CASP5: variants seen among roughly 807,000 people sequenced by gnomAD.
The protein encoded by CASP5 is caspase 5, also known as caspase-5.
CASP5 carries 42 observed loss-of-function variants against 45.2 expected under a neutral mutation model. The ratio of observed to expected loss-of-function variants is 0.93; its 90% CI spans 0.73 to 1.20. CASP5 has a LOEUF of 1.20. Among genes scored for constraint, CASP5 ranks in the 50% most tolerant of loss-of-function variants. CASP5 has a pLI of 0.00. For synonymous variants in CASP5, 209 were observed against 186.2 expected, an observed-to-expected ratio of 1.12 and a Z score of -1.00; for missense variants, 512 against 532.2, an observed-to-expected ratio of 0.96 and a Z score of 0.37.
chr11:105,014,403 T>G (rs1862489307), intron 1 of CASP5, among the ~76,000 whole-genome samples: 1 of 152,142 alleles, frequency 6.6e-6, no homozygotes, highest in Admixed American at 6.6e-5. Flanking sequence ...TTTTTTACCT[T>G]TAATTGTGAT....
intron 1 of CASP5, among the ~76,000 whole-genome samples, chr11:105,018,037 T>C (rs1158245528): frequency 1.4e-4 from 22 of 152,030 alleles, no homozygotes; most frequent in Non-Finnish European, 2.8e-4. Flanking sequence ...CAACCCAGAA[T>C]TTCATATCCA....
chr11:105,020,308 G>A (rs1467123183), intron 1 of CASP5, among the ~76,000 whole-genome samples: 1 of 152,026 alleles, frequency 6.6e-6, no homozygotes, highest in Non-Finnish European at 1.5e-5. Context: ...TCTGGCCAGG[G>A]CGATCAGGCA....
chr11:105,003,064 G>A (rs1278396152), intron 4 of CASP5, among the ~76,000 whole-genome samples: 1 of 152,020 alleles, frequency 6.6e-6, no homozygotes, highest in Non-Finnish European at 1.5e-5. Flanking sequence ...GCCTGGCAAG[G>A]TAGTGTGCAT....
chr11:105,020,860 G>T (rs992010566), intron 1 of CASP5, among the ~76,000 whole-genome samples: 1 of 151,868 alleles, frequency 6.6e-6, no homozygotes. Flanking sequence ...CGTCAATCCT[G>T]AGCCAAAAGA....
intron 9 of CASP5, among the ~76,000 whole-genome samples, chr11:104,994,792 G>A (rs1305973556): frequency 6.6e-6 from 1 of 152,168 alleles, no homozygotes; most frequent in Non-Finnish European, 1.5e-5. Context: ...CACCTCTCCT[G>A]CATAAGAACC....
chr11:105,004,378 G>A (rs1861898950), intron 3 of CASP5, among the ~76,000 whole-genome samples: 1 of 152,120 alleles, frequency 6.6e-6, no homozygotes, highest in Admixed American at 6.5e-5. Flanking sequence ...CTTGTGAAAT[G>A]TAATATTGAT....
chr11:105,010,360 TAAC>T (rs2134732208), intron 1 of CASP5, among the ~76,000 whole-genome samples: 1 of 150,158 alleles, frequency 6.7e-6, no homozygotes, highest in Admixed American at 6.7e-5. Context: ...TCATTATTAT[TAAC>T]AATATCAGTA....
chr11:105,006,731 T>TGGTA (rs1372287646), intron 3 of CASP5, among the ~76,000 whole-genome samples: 1 of 152,160 alleles, frequency 6.6e-6, no homozygotes, highest in African/African-American at 2.4e-5. Flanking sequence ...ATTTCACAGG[T>TGGTA]GGTAAGACTG....
At chr11:105,013,202 TGTG>T (rs1862437149) in intron 1 of CASP5, among the ~76,000 whole-genome samples, 3 of 152,176 alleles carry the variant, frequency 2.0e-5, no homozygotes, top group Admixed American at 6.5e-5. Context: ...ATCTCACTGA[TGTG>T]TAGACTCACA....
At position 105,007,253 on chromosome 11, in the gene CASP5, G is replaced by A; in HGVS notation, c.263C>T (p.Ala88Val). 1 of 1,611,712 alleles carries A rather than the reference G, an allele frequency of 6.2e-7. No individual in the cohort carries two copies. The highest frequency in any genetic ancestry group is 8.5e-7 in the Non-Finnish European group (1 of 1,179,328). ...DVLHGVFNYL[A>V]KHDVLTLKEE... Reference sequence around the variant, plus strand: ...CTTCAATGTCAGAACATCGTGTTTTGCCAAATAATTAAAAACACCATGAAG... The same window carrying A: ...CTTCAATGTCAGAACATCGTGTTTTACCAAATAATTAAAAACACCATGAAG... Residue 88 changes from alanine (A) to valine (V), a missense_variant, in exon 3 of 10, where the codon GCA (alanine) becomes GTA (valine). Ala to Val is a moderately conservative substitution (Grantham distance 64). Coordinates refer to ENST00000260315, the MANE Select transcript of CASP5 (RefSeq NM_004347.5).
intron 7 of CASP5, among the ~76,000 whole-genome samples, chr11:104,997,769 T>G (rs1157639614): frequency 1.3e-5 from 2 of 152,180 alleles, no homozygotes; most frequent in Non-Finnish European, 2.9e-5. Flanking sequence ...TCACTTTGCT[T>G]AGAAAAGGGG....
Position 105,007,313 on chromosome 11 carries a change from G to A in CASP5, c.203C>T (p.Thr68Ile). Residue 68 changes from threonine to isoleucine, a missense_variant, in exon 3 of 10, where the codon ACA becomes ATA. By Grantham distance (89) the Thr-to-Ile change is moderately conservative (BLOSUM62 -1). Coordinates refer to ENST00000260315, the MANE Select transcript of CASP5 (RefSeq NM_004347.5). The stretch of plus-strand genomic sequence containing the variant: ...GCCCAGGTATTCCAACATCTTAACT[G>A]TTTTTTTTTTGTGGTTGTCTTCTGT... Reference protein sequence around the residue: ...SVKKDNHKKKTVKMLEYLGKD... With the variant: ...SVKKDNHKKKIVKMLEYLGKD... The A allele has an allele frequency of 7.5e-7, 1 of 1,324,922 alleles. No individual in the cohort carries two copies. The allele number at this position is 1,324,922 out of a possible 1,614,324, so 82.1% of individuals were successfully genotyped here.
intron 1 of CASP5, 89 bp from the exon 2 acceptor site, chr11:105,009,069 C>T (rs1457923716): frequency 3.5e-6 from 4 of 1,127,302 alleles, no homozygotes; most frequent in African/African-American, 1.6e-5. Flanking sequence ...ATGTGAAACA[C>T]CCTTGAAAAT....
Position 104,995,761 on chromosome 11 carries a change from G to A in CASP5, c.1288C>T (p.Leu430Phe). ...ERATLTRDFY[L>F]FPGN ...TTACATTTTCAATTGCCAGGAAAGA[G>A]GTAGAAATCTCTTGTCAAGGTTGCT... Residue 430 changes from leucine (L) to phenylalanine (F), a missense_variant, in exon 9 of 10, where the codon CTC (leucine) becomes TTC (phenylalanine). By Grantham distance (22) the Leu-to-Phe change is conservative (BLOSUM62 0). Transcript: ENST00000260315. 1.9e-6 allele frequency: 3 copies of A among 1,609,122 alleles called. No individual in the cohort carries two copies. Among genetic ancestry groups the A allele is most frequent in the Non-Finnish European group, 2.6e-6 (3 of 1,175,936 alleles).
At chr11:105,003,190 A>G in intron 4 of CASP5, 84 bp downstream of exon 4, 1 of 869,414 alleles carries the variant, frequency 1.2e-6, no homozygotes, top group East Asian at 2.5e-5. Context: ...ACAGAGCAAG[A>G]CCCCATTTTT....
intron 1 of CASP5, 143 bp downstream of exon 1, chr11:105,022,987 A>C: frequency 2.6e-6 from 2 of 761,224 alleles, no homozygotes; most frequent in South Asian, 1.6e-5. Context: ...TTCAAACTAC[A>C]TACCACCAAT....
chr11:105,020,444 G>T (rs1372547360), intron 1 of CASP5, among the ~76,000 whole-genome samples: 11 of 149,444 alleles, frequency 7.4e-5, no homozygotes, highest in African/African-American at 2.7e-4. Context: ...AAGCTGATAA[G>T]CAACTTCAGC....
intron 1 of CASP5, among the ~76,000 whole-genome samples, chr11:105,013,514 C>A (rs518816): frequency 6.6e-6 from 1 of 151,820 alleles, no homozygotes; most frequent in East Asian, 1.9e-4. Context: ...TACATAAGTA[C>A]ATAAAATATT....
At chr11:105,001,966 CTAAT>C (rs1565382182) in intron 5 of CASP5, 58 bp downstream of exon 5, 4 of 1,530,926 alleles carry the variant, frequency 2.6e-6, no homozygotes, top group Non-Finnish European at 3.6e-6. Flanking sequence ...ATAAAGCTAA[CTAAT>C]TATTAGAAGA....
Sources: gnomAD v4.1 joint callset for allele counts (sites outside exome capture counted in the v4.1 genomes callset) on GRCh38, gnomAD v4.1.1 for gene constraint, MANE v1.5 for transcripts, NCBI Gene and HGNC (gene_info 2026-07-23, HGNC 2026-07-21) for gene names.